Variants in MYOF observed in about 807,000 individuals in gnomAD.
MYOF encodes the protein myoferlin.
A neutral mutation model predicts 284.2 loss-of-function variants in MYOF; 244 were observed. That is an observed-to-expected ratio of 0.86 (90% CI 0.77 to 0.95). MYOF has a LOEUF of 0.95. Ranked by LOEUF, MYOF falls within the 40% of genes least tolerant of loss-of-function variation. The pLI is 0.00. For missense variants in MYOF, 2,496 were observed against 2,560.6 expected, an observed-to-expected ratio of 0.97 and a Z score of 0.54; for synonymous variants, 904 against 919.7, an observed-to-expected ratio of 0.98 and a Z score of 0.31.
chr10:93,362,306 T>C (rs1845114681), intron 27 of MYOF, among the ~76,000 whole-genome samples: 1 of 151,536 alleles, frequency 6.6e-6, no homozygotes, highest in Non-Finnish European at 1.5e-5. Flanking sequence ...AGTGCAGTGG[T>C]GCAATCTCGA....
chr10:93,374,936 C>G lies in MYOF; in HGVS notation c.2128G>C (p.Glu710Gln), dbSNP rs1379711341. The change falls in exon 23 of 54, where the codon GAA becomes CAA. Residue 710 changes from glutamate to glutamine, a missense_variant. Physicochemically the swap from Glu to Gln is conservative, Grantham distance 29. Transcript: ENST00000359263. ...EDTRYTLPLTEGKANVTVLDT... is the reference protein window; with the variant it reads ...EDTRYTLPLTQGKANVTVLDT... Reference sequence around the variant, plus strand: ...AGAACTGTGACGTTGGCTTTTCCTTCTGTGAGAGGCAACGTGTATCTAGAA... The same window carrying G: ...AGAACTGTGACGTTGGCTTTTCCTTGTGTGAGAGGCAACGTGTATCTAGAA... 6.2e-7 allele frequency: 1 copy of G among 1,612,862 alleles called. No homozygotes were observed. Among genetic ancestry groups the G allele is most frequent in the Non-Finnish European group, 8.5e-7 (1 of 1,179,670 alleles).
intron 38 of MYOF, among the ~76,000 whole-genome samples, chr10:93,341,514 T>G (rs1311361619): frequency 6.6e-6 from 1 of 152,078 alleles, no homozygotes; most frequent in African/African-American, 2.4e-5. Flanking sequence ...TGACCTCAGG[T>G]GATCCACCTG....
intron 39 of MYOF, among the ~76,000 whole-genome samples, chr10:93,339,089 T>C (rs1257205313): frequency 6.7e-6 from 1 of 148,236 alleles, no homozygotes; most frequent in Non-Finnish European, 1.5e-5. Context: ...CTCAGCTCAC[T>C]GCAACCTCTG....
intron 7 of MYOF, among the ~76,000 whole-genome samples, chr10:93,408,525 G>A (rs546537062): frequency 2.2e-3 from 321 of 147,834 alleles, no homozygotes; most frequent in African/African-American, 5.1e-3. Context: ...CAACAAGAGC[G>A]AAATTCCATC....
rs753054190 is a variant in MYOF, at chr10:93,353,873, T to C, written c.3419A>G (p.His1140Arg). Residue 1140 changes from histidine (H) to arginine (R), a missense_variant, in exon 32 of 54, where the codon CAT (histidine) becomes CGT (arginine). By Grantham distance (29) the His-to-Arg change is conservative. This residue lies in a region of MYOF where 2,436 missense variants were observed against 2,480.7 expected (regional missense o/e 0.98). Transcript: ENST00000359263. ...SCNFDRVYIY[H>R]LRCYVYQARN... ...GGCTTGATAGACATAGCAGCGCAGATGGTAGATGTAGACTCCTAAAAAAAC... is the reference window on the plus strand; with the variant it reads ...GGCTTGATAGACATAGCAGCGCAGACGGTAGATGTAGACTCCTAAAAAAAC... The C allele has an allele frequency of 3.7e-6, 6 of 1,609,356 alleles. No homozygotes were observed. Among genetic ancestry groups the C allele is most frequent in the Non-Finnish European group, 5.1e-6 (6 of 1,176,774 alleles).
At chr10:93,413,911 T>A (rs1403381065) in intron 5 of MYOF, among the ~76,000 whole-genome samples, 2 of 152,144 alleles carry the variant, frequency 1.3e-5, no homozygotes, top group Admixed American at 1.3e-4. Context: ...GAGGACCATC[T>A]GAGCCCAGGA....
At chr10:93,351,899 C>A (rs1448775840) in intron 32 of MYOF, 53 bp from the exon 33 acceptor site, 18 of 1,453,550 alleles carry the variant, frequency 1.2e-5, no homozygotes, top group Non-Finnish European at 1.5e-5. Context: ...TCTAACTCCC[C>A]AGAACCACTC....
intron 1 of MYOF, among the ~76,000 whole-genome samples, chr10:93,463,000 A>G (rs2134353132): frequency 6.6e-6 from 1 of 152,296 alleles, no homozygotes; most frequent in Admixed American, 6.5e-5. Flanking sequence ...TCAGAACATA[A>G]CAACTGACTC....
rs1446560638 is a variant in MYOF, at chr10:93,328,759, T to C, written c.5131+4A>G. On this transcript the variant is annotated splice_donor_region_variant and intron_variant, in intron 45 of 53. Coordinates refer to ENST00000359263, the MANE Select transcript of MYOF (RefSeq NM_013451.4). ...CAGTTTACAATCCACAGCTAGGTGC[T>C]CACCAAATTCATCCAAGCTGTAGTC... 6.2e-7 allele frequency: 1 copy of C among 1,607,728 alleles called. No homozygotes were observed. Among genetic ancestry groups the C allele is most frequent in the Non-Finnish European group, 8.5e-7 (1 of 1,174,642 alleles).
Position 93,337,882 on chromosome 10 carries a change from A to T in MYOF, c.4370T>A (p.Phe1457Tyr). 3 of 1,614,112 alleles carry T rather than the reference A, an allele frequency of 1.9e-6. No individual in the cohort carries two copies. The highest frequency in any genetic ancestry group is 1.7e-6 in the Non-Finnish European group (2 of 1,180,000). ...TTCATGTTCCCCTGAGGAAGCATAA[A>T]ATTTACTCCACCAGTCCACGATTTC... The part of the protein sequence containing the change: ...EEEIVDWWSK[F>Y]YASSGEHEKC... The change falls in exon 40 of 54, where the codon TTT (phenylalanine) becomes TAT (tyrosine). Residue 1457 changes from phenylalanine to tyrosine, a missense_variant. By Grantham distance (22) the Phe-to-Tyr change is conservative (BLOSUM62 3). This residue lies in a region of MYOF where 2,436 missense variants were observed against 2,480.7 expected (regional missense o/e 0.98). Transcript: ENST00000359263.
chr10:93,401,318 C>A, intron 12 of MYOF, 100 bp downstream of exon 12: 3 of 1,486,890 alleles, frequency 2.0e-6, no homozygotes, highest in East Asian at 2.3e-5. Flanking sequence ...AGAAGAAAAA[C>A]ATACGATAGG....
chr10:93,398,407 T>A (rs1847123769), intron 13 of MYOF, among the ~76,000 whole-genome samples: 1 of 152,224 alleles, frequency 6.6e-6, no homozygotes, highest in African/African-American at 2.4e-5. Context: ...CATTTAAAAT[T>A]ATTCAGTTTC....
intron 37 of MYOF, among the ~76,000 whole-genome samples, chr10:93,347,225 G>C (rs556303422): frequency 6.6e-6 from 1 of 152,190 alleles, no homozygotes; most frequent in Non-Finnish European, 1.5e-5. Context: ...ACCTTGAGTA[G>C]GTTTGTAAAG....
chr10:93,441,918 C>G (rs542603070), intron 3 of MYOF, among the ~76,000 whole-genome samples: 35 of 150,964 alleles, frequency 2.3e-4, no homozygotes, highest in African/African-American at 7.8e-4. Flanking sequence ...TTATTTAATT[C>G]TATATCCTTT....
At chr10:93,418,296 T>C (rs979499991) in intron 5 of MYOF, among the ~76,000 whole-genome samples, 1 of 152,182 alleles carries the variant, frequency 6.6e-6, no homozygotes, top group Non-Finnish European at 1.5e-5. Context: ...CAGGAAAACA[T>C]GTAATATTTT....
intron 23 of MYOF, 36 bp from the exon 24 acceptor site, chr10:93,373,121 C>A (rs1845667734): frequency 6.2e-7 from 1 of 1,613,638 alleles, no homozygotes; most frequent in Non-Finnish European, 8.5e-7. Context: ...GGAAGCACAG[C>A]CATGGTTAGT....
chr10:93,391,597 G>GAA (rs5787055), intron 17 of MYOF, among the ~76,000 whole-genome samples: 12 of 148,388 alleles, frequency 8.1e-5, no homozygotes, highest in South Asian at 4.3e-4. Flanking sequence ...CTCCATCTCA[G>GAA]AAAAAAAAAA....
At chr10:93,451,710 A>G (rs552851722) in intron 3 of MYOF, among the ~76,000 whole-genome samples, 1 of 152,364 alleles carries the variant, frequency 6.6e-6, no homozygotes, top group Non-Finnish European at 1.5e-5. Context: ...GTTGTATCCA[A>G]TATCACTACA....
At chr10:93,443,320 G>A (rs1363839898) in intron 3 of MYOF, among the ~76,000 whole-genome samples, 1 of 152,140 alleles carries the variant, frequency 6.6e-6, no homozygotes, top group East Asian at 1.9e-4. Context: ...CGGTTGGCGG[G>A]AACATAAACT....
Sources: allele counts gnomAD v4.1 joint callset (sites outside exome capture counted in the v4.1 genomes callset), GRCh38; gene constraint gnomAD v4.1.1; regional missense constraint gnomAD v4.1.1; transcripts MANE v1.5; gene names NCBI Gene and HGNC (gene_info 2026-07-23, HGNC 2026-07-21).